Variants in DPYD observed in about 807,000 individuals in gnomAD.
DPYD encodes the protein dihydropyrimidine dehydrogenase, also known as dihydropyrimidine dehydrogenase [NADP(+)].
Under a neutral mutation model 116.2 loss-of-function variants are expected in DPYD, and 109 were observed. The ratio of observed to expected loss-of-function variants is 0.94; its 90% confidence interval spans 0.80 to 1.10. DPYD has a LOEUF of 1.10. DPYD is among the 50% of genes least tolerant of loss of function. The pLI is 0.00. For synonymous variants in DPYD, 440 were observed against 432.0 expected (o/e 1.02, Z -0.23); for missense variants, 1,302 against 1,254.5 (o/e 1.04, Z -0.57).
intron 18 of DPYD, among the ~76,000 whole-genome samples, chr1:97,290,293 T>C (rs1275999118): frequency 7.2e-5 from 11 of 152,006 alleles, no homozygotes; most frequent in African/African-American, 2.7e-4. Flanking sequence ...GCCATCCCCA[T>C]CAAGCTACCA....
intron 18 of DPYD, among the ~76,000 whole-genome samples, chr1:97,238,826 G>T (rs562780856): frequency 6.6e-6 from 1 of 152,206 alleles, no homozygotes; most frequent in South Asian, 2.1e-4. Flanking sequence ...GAACTAACAG[G>T]TAACATGCAA....
intron 20 of DPYD, among the ~76,000 whole-genome samples, chr1:97,173,271 T>TATATATGCACAC (rs1656907713): frequency 6.9e-6 from 1 of 145,686 alleles, no homozygotes; most frequent in Admixed American, 6.8e-5. Context: ...CATATGTACA[T>TATATATGCACAC]ATATATGCAC....
At chr1:97,556,619 T>C (rs1319717314) in intron 11 of DPYD, among the ~76,000 whole-genome samples, 6 of 149,998 alleles carry the variant, frequency 4.0e-5, no homozygotes, top group African/African-American at 1.2e-4. Context: ...GGTTTTTTGT[T>C]CTTGCGATAG....
intron 20 of DPYD, among the ~76,000 whole-genome samples, chr1:97,136,462 C>T (rs1185582690): frequency 6.6e-6 from 1 of 152,132 alleles, no homozygotes; most frequent in African/African-American, 2.4e-5. Context: ...CCTCGCGAAT[C>T]CAGTCATGTA....
intron 13 of DPYD, among the ~76,000 whole-genome samples, chr1:97,508,520 C>A (rs895346609): frequency 1.6e-4 from 24 of 151,908 alleles, no homozygotes; most frequent in African/African-American, 5.6e-4. Flanking sequence ...AATTTCTGTG[C>A]AACTTTTATT....
At chr1:97,382,875 T>A (rs1245709004) in intron 14 of DPYD, among the ~76,000 whole-genome samples, 2 of 148,340 alleles carry the variant, frequency 1.3e-5, no homozygotes, top group Non-Finnish European at 3.0e-5. Flanking sequence ...TGAAAAGGTT[T>A]TAAGTGATGG....
At chr1:97,646,255 T>C (rs928008716) in intron 8 of DPYD, among the ~76,000 whole-genome samples, 1 of 152,094 alleles carries the variant, frequency 6.6e-6, no homozygotes, top group Non-Finnish European at 1.5e-5. Flanking sequence ...GAATCTGCTT[T>C]GATTGTTTCC....
At chr1:97,413,991 G>T (rs1179850328) in intron 14 of DPYD, among the ~76,000 whole-genome samples, 1 of 151,846 alleles carries the variant, frequency 6.6e-6, no homozygotes, top group Non-Finnish European at 1.5e-5. Context: ...GTTATATGTA[G>T]ATTATAATAT....
intron 8 of DPYD, among the ~76,000 whole-genome samples, chr1:97,598,676 A>T (rs1257425830): frequency 6.6e-6 from 1 of 152,154 alleles, no homozygotes; most frequent in Non-Finnish European, 1.5e-5. Flanking sequence ...ATGTTACAGA[A>T]AATTTAAATT....
At chr1:97,863,235 A>G (rs898493932) in intron 2 of DPYD, among the ~76,000 whole-genome samples, 1 of 151,956 alleles carries the variant, frequency 6.6e-6, no homozygotes, top group African/African-American at 2.4e-5. Context: ...GAAATGCCAT[A>G]TGATCATCAG....
chr1:97,358,346 C>T (rs1486087039), intron 16 of DPYD, among the ~76,000 whole-genome samples: 1 of 152,190 alleles, frequency 6.6e-6, no homozygotes, highest in African/African-American at 2.4e-5. Context: ...AGGCTGGCTG[C>T]CTCTGTGGTC....
chr1:97,700,362 C>A (rs1217796409), intron 5 of DPYD: 2 of 441,738 alleles, frequency 4.5e-6, no homozygotes, highest in Non-Finnish European at 9.0e-6. Context: ...ATGACAAAAA[C>A]CTAAAGATCT....
intron 19 of DPYD, among the ~76,000 whole-genome samples, chr1:97,221,297 G>C (rs1271105049): frequency 6.6e-6 from 1 of 152,124 alleles, no homozygotes; most frequent in African/African-American, 2.4e-5. Context: ...GTAACAGGGA[G>C]GGTGGGGGAT....
intron 12 of DPYD, chr1:97,546,169 C>T: frequency 6.9e-7 from 1 of 1,447,158 alleles, no homozygotes; most frequent in African/African-American, 1.4e-5. Context: ...GAACAGCCAG[C>T]AGAAGATGGG....
chr1:97,661,180 T>C (rs965344108), intron 8 of DPYD, among the ~76,000 whole-genome samples: 2 of 152,178 alleles, frequency 1.3e-5, no homozygotes, highest in Non-Finnish European at 1.5e-5. Context: ...TGATTTAACA[T>C]ATAGCATATA....
intron 3 of DPYD, among the ~76,000 whole-genome samples, chr1:97,788,252 T>C (rs1158599130): frequency 2.0e-5 from 3 of 152,302 alleles, no homozygotes; most frequent in Admixed American, 1.3e-4. Context: ...TATAAAATGA[T>C]GGCAGAAGTG....
At chr1:97,433,634 C>T (rs1675303061) in intron 14 of DPYD, among the ~76,000 whole-genome samples, 2 of 152,088 alleles carry the variant, frequency 1.3e-5, no homozygotes, top group Non-Finnish European at 2.9e-5. Flanking sequence ...AAGCAGAAGT[C>T]CTGCCTGAAT....
chr1:97,202,643 T>C (rs1199701420), intron 19 of DPYD, among the ~76,000 whole-genome samples: 1 of 152,198 alleles, frequency 6.6e-6, no homozygotes, highest in Non-Finnish European at 1.5e-5. Context: ...ATCTTCTCTG[T>C]TGCACTTTGT....
At chr1:97,277,875 A>C (rs1665052143) in intron 18 of DPYD, among the ~76,000 whole-genome samples, 1 of 152,214 alleles carries the variant, frequency 6.6e-6, no homozygotes, top group South Asian at 2.1e-4. Context: ...CAGGGCCTAC[A>C]TGATCTCTGG....
Sources: gnomAD v4.1 joint callset for allele counts (sites outside exome capture counted in the v4.1 genomes callset) on GRCh38, gnomAD v4.1.1 for gene constraint, MANE v1.5 for transcripts, NCBI Gene and HGNC (gene_info 2026-07-23, HGNC 2026-07-21) for gene names.